Variants in KCNH8 observed in about 807,000 individuals in gnomAD.
The protein encoded by KCNH8 is potassium voltage-gated channel subfamily H member 8.
In KCNH8, 70 loss-of-function variants were observed where a neutral mutation model predicts 103.6. The observed-to-expected ratio is 0.68, with a 90% CI of 0.56 to 0.82. KCNH8 has a LOEUF of 0.82. Ranked by LOEUF, KCNH8 falls within the 40% of genes least tolerant of loss-of-function variation. KCNH8 has a pLI of 0.00. For missense variants in KCNH8, 1,217 were observed against 1,329.9 expected, an observed-to-expected ratio of 0.92 and a Z score of 1.32; for synonymous variants, 498 against 489.4, an observed-to-expected ratio of 1.02 and a Z score of -0.23.
At chr3:19,268,326 A>T (rs111961908) in intron 2 of KCNH8, among the ~76,000 whole-genome samples, 4,010 of 152,162 alleles carry the variant, frequency 0.026, 166 homozygotes, top group African/African-American at 0.091. Context: ...CTTTTGAAGG[A>T]TGAGTAGAAA....
At chr3:19,295,195 C>G (rs531209389) in intron 3 of KCNH8, among the ~76,000 whole-genome samples, 1 of 151,864 alleles carries the variant, frequency 6.6e-6, no homozygotes, top group African/African-American at 2.4e-5. Context: ...GCCTGGGGAA[C>G]ACAGGGAGAC....
chr3:19,159,253 T>A (rs1442324633), intron 1 of KCNH8, among the ~76,000 whole-genome samples: 1 of 151,780 alleles, frequency 6.6e-6, no homozygotes, highest in Non-Finnish European at 1.5e-5. Flanking sequence ...GTTGCTGGAT[T>A]TTCCCTCCAC....
intron 5 of KCNH8, among the ~76,000 whole-genome samples, chr3:19,380,562 T>C (rs1474957771): frequency 6.6e-6 from 1 of 152,352 alleles, no homozygotes; most frequent in Non-Finnish European, 1.5e-5. Flanking sequence ...AGTGAAATTC[T>C]TGGCTCTTAA....
At chr3:19,348,802 T>C (rs913598078) in intron 5 of KCNH8, among the ~76,000 whole-genome samples, 3 of 152,042 alleles carry the variant, frequency 2.0e-5, no homozygotes, top group Non-Finnish European at 4.4e-5. Context: ...AGCAGGTAGG[T>C]GAACAAAGGA....
chr3:19,440,320 G>A (rs1172607956), intron 8 of KCNH8, among the ~76,000 whole-genome samples: 1 of 152,138 alleles, frequency 6.6e-6, no homozygotes, highest in East Asian at 1.9e-4. Flanking sequence ...AACCATTTAT[G>A]TATTCAAATA....
chr3:19,417,341 G>A (rs2066879722), intron 7 of KCNH8, among the ~76,000 whole-genome samples: 1 of 151,362 alleles, frequency 6.6e-6, no homozygotes, highest in Admixed American at 6.6e-5. Flanking sequence ...TGAAATAATA[G>A]AGCCTAAATT....
chr3:19,186,034 G>GA (rs2063499095), intron 1 of KCNH8, among the ~76,000 whole-genome samples: 1 of 151,828 alleles, frequency 6.6e-6, no homozygotes, highest in South Asian at 2.1e-4. Flanking sequence ...GTGTCTCATG[G>GA]AAAATAGGGA....
chr3:19,321,273 T>C (rs1415978368), intron 3 of KCNH8, among the ~76,000 whole-genome samples: 1 of 152,022 alleles, frequency 6.6e-6, no homozygotes, highest in African/African-American at 2.4e-5. Flanking sequence ...GGTGCGACCT[T>C]AGATTGTCTA....
intron 3 of KCNH8, among the ~76,000 whole-genome samples, chr3:19,303,089 A>G (rs532141515): frequency 6.6e-6 from 1 of 152,170 alleles, no homozygotes; most frequent in Non-Finnish European, 1.5e-5. Context: ...TCAAATTTCA[A>G]GATATACAAC....
At chr3:19,453,446 A>G (rs1183430464) in intron 10 of KCNH8, among the ~76,000 whole-genome samples, 1 of 152,168 alleles carries the variant, frequency 6.6e-6, no homozygotes, top group Admixed American at 6.6e-5. Flanking sequence ...ATTTTGGAAG[A>G]GAAAAAGAGA....
chr3:19,374,049 TA>T (rs533018459), intron 5 of KCNH8, among the ~76,000 whole-genome samples: 1,698 of 152,278 alleles, frequency 0.011, 12 homozygotes, highest in Non-Finnish European at 0.018. Context: ...AATTTTGGAA[TA>T]GGTGTGGTGT....
intron 2 of KCNH8, among the ~76,000 whole-genome samples, chr3:19,273,480 C>G (rs1188996906): frequency 2.0e-5 from 3 of 152,086 alleles, no homozygotes; most frequent in African/African-American, 7.2e-5. Flanking sequence ...AGCCATAAGT[C>G]AGACATTAAT....
chr3:19,253,396 G>A (rs1040169574), intron 1 of KCNH8, among the ~76,000 whole-genome samples: 6 of 151,900 alleles, frequency 3.9e-5, no homozygotes, highest in Non-Finnish European at 5.9e-5. Flanking sequence ...TAGATGGTAG[G>A]TGCCACAAAG....
chr3:19,428,390 T>A (rs187137931), intron 7 of KCNH8, among the ~76,000 whole-genome samples: 1 of 152,332 alleles, frequency 6.6e-6, no homozygotes, highest in Admixed American at 6.5e-5. Context: ...TGTTGCAAGA[T>A]CTTTGATTTC....
At chr3:19,240,339 G>T (rs761117056) in intron 1 of KCNH8, among the ~76,000 whole-genome samples, 2 of 152,118 alleles carry the variant, frequency 1.3e-5, no homozygotes, top group South Asian at 4.2e-4. Context: ...TAGGCCAGGC[G>T]CAGTGGCTCA....
chr3:19,213,910 GC>G (rs563285385), intron 1 of KCNH8, among the ~76,000 whole-genome samples: 309 of 152,304 alleles, frequency 2.0e-3, no homozygotes, highest in Non-Finnish European at 3.8e-4. Flanking sequence ...CAAGCCTGCA[GC>G]TTCAGCATGG....
chr3:19,192,770 C>T (rs1156557712), intron 1 of KCNH8, among the ~76,000 whole-genome samples: 1 of 150,856 alleles, frequency 6.6e-6, no homozygotes, highest in Non-Finnish European at 1.5e-5. Context: ...TCCTTTTAAA[C>T]TTCCTATGGA....
chr3:19,437,642 T>C (rs1411855801), intron 7 of KCNH8, among the ~76,000 whole-genome samples: 1 of 152,200 alleles, frequency 6.6e-6, no homozygotes, highest in Non-Finnish European at 1.5e-5. Flanking sequence ...AACAACTGGA[T>C]ACCTGCCCAA....
intron 15 of KCNH8, among the ~76,000 whole-genome samples, chr3:19,519,817 G>C (rs1452490334): frequency 6.6e-6 from 1 of 151,728 alleles, no homozygotes; most frequent in Non-Finnish European, 1.5e-5. Context: ...TCTCATATTT[G>C]AGAAGGGCAT....
Sources: gnomAD v4.1 joint callset for allele counts (sites outside exome capture counted in the v4.1 genomes callset) on GRCh38, gnomAD v4.1.1 for gene constraint, MANE v1.5 for transcripts, NCBI Gene and HGNC (gene_info 2026-07-23, HGNC 2026-07-21) for gene names.